SLC4A5: variants seen among roughly 807,000 people sequenced by gnomAD.
The protein encoded by SLC4A5 is electrogenic sodium bicarbonate cotransporter 4.
SLC4A5 carries 96 observed loss-of-function variants against 120.4 expected under a neutral mutation model. That is an observed-to-expected ratio of 0.80 (90% CI 0.68 to 0.94). The LOEUF is 0.94. Among genes scored for constraint, SLC4A5 ranks in the 40% least tolerant of loss-of-function variants. The probability of loss-of-function intolerance (pLI) is 0.00; values close to 1 mark genes in which losing one functional copy is unlikely to be tolerated. For missense variants in SLC4A5, 1,259 were observed against 1,459.5 expected (o/e 0.86, Z 2.24); for synonymous variants, 550 against 571.1 (o/e 0.96, Z 0.53).
chr2:74,299,422 G>A (rs891365662), intron 7 of SLC4A5, among the ~76,000 whole-genome samples: 4 of 152,244 alleles, frequency 2.6e-5, no homozygotes, highest in African/African-American at 7.2e-5. Context: ...TCTCTCTTGC[G>A]TGCTGCCATG....
At chr2:74,343,404 G>C (rs1673668531) in exon 1 of SLC4A5, 1 of 152,096 alleles carries the variant, frequency 6.6e-6, no homozygotes, top group African/African-American at 2.4e-5. Flanking sequence ...AATTCCTTTA[G>C]GGTGGACCTT....
At chr2:74,287,826 C>T (rs1298088744) in intron 7 of SLC4A5, among the ~76,000 whole-genome samples, 1 of 152,114 alleles carries the variant, frequency 6.6e-6, no homozygotes, top group Non-Finnish European at 1.5e-5. Flanking sequence ...TCCCTCTCTC[C>T]ACCCTCTTTC....
chr2:74,329,153 G>A (rs1266498732), intron 4 of SLC4A5, among the ~76,000 whole-genome samples: 2 of 152,214 alleles, frequency 1.3e-5, no homozygotes, highest in South Asian at 2.1e-4. Flanking sequence ...TGTAGAAGTA[G>A]CAGTAAAACG....
intron 8 of SLC4A5, among the ~76,000 whole-genome samples, chr2:74,280,233 C>T (rs534677269): frequency 1.3e-5 from 2 of 152,140 alleles, no homozygotes; most frequent in Non-Finnish European, 2.9e-5. Context: ...GCCTCTTCCC[C>T]CTTCCCTACC....
chr2:74,280,164 G>A (rs557748473), intron 8 of SLC4A5, among the ~76,000 whole-genome samples: 55 of 152,178 alleles, frequency 3.6e-4, no homozygotes, highest in African/African-American at 1.3e-3. Context: ...CTATTCTACA[G>A]TCCAGCCACA....
intron 24 of SLC4A5, among the ~76,000 whole-genome samples, chr2:74,231,941 G>A (rs1469672989): frequency 6.6e-6 from 1 of 152,200 alleles, no homozygotes; most frequent in Non-Finnish European, 1.5e-5. Context: ...GTCTCGCCCT[G>A]GAGGCCCTAA....
rs145440995 is a variant in SLC4A5, at chr2:74,273,763, G to A, written c.402-8499C>T. Among the ~76,000 whole-genome samples the A allele has an allele frequency of 2.6e-3, 389 of 152,272 alleles. 3 individuals are homozygous for A. Among genetic ancestry groups the A allele is most frequent in the Admixed American group, 5.8e-3 (89 of 15,290 alleles). On this transcript the variant is annotated intron_variant, in intron 8 of 30. Coordinates refer to ENST00000394019, the Ensembl canonical transcript of SLC4A5. ...CCAGTATTAATTCACTTAGAAGCCCGTTAAGAATTTTCCTAGAGATGTCTG... is the reference window on the plus strand; with the variant it reads ...CCAGTATTAATTCACTTAGAAGCCCATTAAGAATTTTCCTAGAGATGTCTG...
At position 74,255,952 on chromosome 2, in the gene SLC4A5, G is replaced by T; in HGVS notation, c.868-20C>A. Reference sequence around the variant, plus strand: ...TTTCCGCTGGACAGGGAGGGGAAACGAGATAGCCAAGGAGACTCCCACCTG... The same window carrying T: ...TTTCCGCTGGACAGGGAGGGGAAACTAGATAGCCAAGGAGACTCCCACCTG... On this transcript the variant is annotated intron_variant, in intron 12 of 30. Coordinates refer to ENST00000394019, the Ensembl canonical transcript of SLC4A5. The surrounding 1 kb of genome is among the most constrained non-coding windows in gnomAD (Gnocchi z 4.0). The T allele has an allele frequency of 6.2e-7, 1 of 1,611,386 alleles. No individual in the cohort carries two copies. Among genetic ancestry groups the T allele is most frequent in the Non-Finnish European group, 8.5e-7 (1 of 1,177,832 alleles).
At chr2:74,233,053 G>C (rs1425099214) in intron 23 of SLC4A5, among the ~76,000 whole-genome samples, 1 of 152,212 alleles carries the variant, frequency 6.6e-6, no homozygotes, top group African/African-American at 2.4e-5. Context: ...GAGTTGCAGA[G>C]ACCAGGAAGG....
intron 8 of SLC4A5, among the ~76,000 whole-genome samples, chr2:74,285,001 C>T (rs1225747433): frequency 3.3e-5 from 5 of 152,176 alleles, no homozygotes; most frequent in Admixed American, 1.3e-4. Flanking sequence ...CTGCTTGTTA[C>T]TTTCCCTTTT....
At chr2:74,300,585 T>C (rs1359787827) in intron 7 of SLC4A5, among the ~76,000 whole-genome samples, 7 of 152,250 alleles carry the variant, frequency 4.6e-5, no homozygotes, top group Non-Finnish European at 1.5e-5. Flanking sequence ...AGGTGTCACC[T>C]GCTCCAGGAA....
chr2:74,315,637 C>CAT (rs1020324338), intron 5 of SLC4A5, among the ~76,000 whole-genome samples: 2 of 149,744 alleles, frequency 1.3e-5, no homozygotes, highest in African/African-American at 4.9e-5. Context: ...ATATATTATG[C>CAT]ATATATATAT....
Position 74,322,033 on chromosome 2 carries a change from G to A in SLC4A5, c.-3+6087C>T, listed in dbSNP as rs1365409829. ...TCCTGCTTTCTTGCACGGACCTTGA[G>A]ACTTTGAGATAAAGCAGCCATCTTG... On this transcript the variant is annotated intron_variant, in intron 5 of 30. Transcript: ENST00000394019. Among the ~76,000 whole-genome samples, 4 of 152,062 alleles carry A rather than the reference G, an allele frequency of 2.6e-5. No individual in the cohort carries two copies. In the East Asian group the frequency reaches 7.7e-4, roughly 29 times the overall value.
intron 7 of SLC4A5, among the ~76,000 whole-genome samples, chr2:74,292,216 C>T (rs1212443957): frequency 6.6e-6 from 1 of 152,156 alleles, no homozygotes; most frequent in Non-Finnish European, 1.5e-5. Flanking sequence ...GGTGATATTG[C>T]TATTATTGTT....
chr2:74,318,972 T>C (rs919080141), intron 5 of SLC4A5, among the ~76,000 whole-genome samples: 4 of 152,024 alleles, frequency 2.6e-5, no homozygotes, highest in Admixed American at 6.6e-5. Context: ...CAATGGAGGA[T>C]TGGATAAGGA....
Position 74,231,457 on chromosome 2 carries a change from C to T in SLC4A5, c.2775-149G>A, listed in dbSNP as rs1175442030. ...TGAAGCTCTGCCTGGTTGCCTGAGGCCCAGCTGAACCATATGTGGGAAGAC... is the reference window on the plus strand; with the variant it reads ...TGAAGCTCTGCCTGGTTGCCTGAGGTCCAGCTGAACCATATGTGGGAAGAC... On this transcript the variant is annotated intron_variant, in intron 24 of 30. Transcript: ENST00000394019. 4.7e-6 allele frequency: 3 copies of T among 641,080 alleles called. No individual in the cohort carries two copies. The East Asian group carries it at 8.9e-5, about 19-fold the overall frequency. The allele number at this position is 641,080 out of a possible 1,614,324, so 39.7% of individuals were successfully genotyped here. A position where few individuals can be genotyped will look rare whatever the true frequency, so the allele number is the denominator to read the frequency against.
intron 7 of SLC4A5, among the ~76,000 whole-genome samples, chr2:74,302,015 T>C (rs1672486952): frequency 6.6e-6 from 1 of 152,210 alleles, no homozygotes. Context: ...AATTCATAAT[T>C]GGAAGATATT....
At chr2:74,258,468 T>C (rs948942588) in intron 12 of SLC4A5, among the ~76,000 whole-genome samples, 1 of 152,260 alleles carries the variant, frequency 6.6e-6, no homozygotes, top group African/African-American at 2.4e-5. Context: ...TACTAGGTAA[T>C]GCTTTCTTAT....
At position 74,226,991 on chromosome 2, in the gene SLC4A5, T is replaced by C; in HGVS notation, c.3056A>G (p.Lys1019Arg). 6 of 1,613,946 alleles carry C rather than the reference T, an allele frequency of 3.7e-6. No homozygotes were observed. Among genetic ancestry groups the C allele is most frequent in the Non-Finnish European group, 5.1e-6 (6 of 1,179,914 alleles). Residue 1019 changes from lysine (K) to arginine (R), a missense_variant, in exon 27 of 31, where the codon AAA becomes AGA. Lys to Arg is a conservative substitution (Grantham distance 26, BLOSUM62 2). Transcript: ENST00000394019. ...GAAGATGATGGCAGCCACCGTGGAT[T>C]TGAGGATCCAGAGCACCGCCAGGCA...
Sources: gnomAD v4.1 joint callset for allele counts (sites outside exome capture counted in the v4.1 genomes callset) on GRCh38, gnomAD v4.1.1 for gene constraint, Gnocchi (gnomAD v3.1) non-coding constraint, MANE v1.5 for transcripts, NCBI Gene and HGNC (gene_info 2026-07-23, HGNC 2026-07-21) for gene names.